ZNF438: variants seen among roughly 807,000 people sequenced by gnomAD.
The protein encoded by ZNF438 is zinc finger protein 438.
A neutral mutation model predicts 38.0 loss-of-function variants in ZNF438; 25 were observed. The observed-to-expected ratio is 0.66, with a 90% CI of 0.48 to 0.92. ZNF438 has a LOEUF of 0.92. Among genes scored for constraint, ZNF438 ranks in the 40% least tolerant of loss-of-function variants. The pLI is 0.00. For missense variants in ZNF438, 1,007 were observed against 999.6 expected (o/e 1.01, Z -0.10); for synonymous variants, 372 against 364.1 (o/e 1.02, Z -0.25).
chr10:30,849,994 G>T (rs1347720341), exon 5 of ZNF438: 2 of 1,613,986 alleles, frequency 1.2e-6, no homozygotes, highest in Admixed American at 1.7e-5. Flanking sequence ...AGATCAGGAT[G>T]GGTTTCTTTC....
rs1399616224 is a variant in ZNF438 at position 30,849,543 on chromosome 10, G to C, written c.862C>G (p.Pro288Ala). 2.5e-6 allele frequency: 4 copies of C among 1,614,170 alleles called. No individual in the cohort carries two copies. Among genetic ancestry groups the C allele is most frequent in the Non-Finnish European group, 3.4e-6 (4 of 1,180,036 alleles). Residue 288 changes from proline (P) to alanine (A), a missense_variant, in exon 5 of 6, where the codon CCC (proline) becomes GCC (alanine). Transcript: ENST00000413025. ...GGTGGGATTGGCAGTTTCCCTTTGG[G>C]GACTGAAGAGATCAACTGAACTGCA... is the stretch of plus-strand genomic sequence containing the variant.
At chr10:30,999,276 T>C (rs2132754091) in intron 1 of ZNF438, 1 of 152,316 alleles carries the variant, frequency 6.6e-6, no homozygotes. Flanking sequence ...CAGTTTTTCC[T>C]TGGGAAAATA....
At chr10:30,872,749 C>CAAAAAAAAAAAA (rs10633045) in intron 4 of ZNF438, among the ~76,000 whole-genome samples, 1 of 88,842 alleles carries the variant, frequency 1.1e-5, no homozygotes, top group Admixed American at 1.3e-4. Context: ...GACTCTGTCT[C>CAAAAAAAAAAAA]AAAAAAAAAA....
At chr10:30,971,470 G>C (rs1163761358) in intron 1 of ZNF438, among the ~76,000 whole-genome samples, 1 of 152,122 alleles carries the variant, frequency 6.6e-6, no homozygotes, top group Non-Finnish European at 1.5e-5. Flanking sequence ...GCAAAATGAT[G>C]ATCTCTGGGG....
chr10:30,856,017 G>A (rs2034565317), intron 4 of ZNF438, among the ~76,000 whole-genome samples: 2 of 152,144 alleles, frequency 1.3e-5, no homozygotes, highest in African/African-American at 2.4e-5. Context: ...AAAGGAAAAC[G>A]AAAGTTTCCC....
At chr10:30,951,818 T>TA (rs2048238966) in intron 1 of ZNF438, among the ~76,000 whole-genome samples, 1 of 150,446 alleles carries the variant, frequency 6.6e-6, no homozygotes, top group Non-Finnish European at 1.5e-5. Context: ...AAAATGGCCA[T>TA]ACTGCCCAAG....
intron 1 of ZNF438, among the ~76,000 whole-genome samples, chr10:30,999,080 C>G (rs546989348): frequency 1.1e-4 from 16 of 151,856 alleles, no homozygotes; most frequent in Non-Finnish European, 2.4e-4. Flanking sequence ...TGCTCTTATC[C>G]AAGCGGTTCC....
intron 2 of ZNF438, among the ~76,000 whole-genome samples, chr10:30,934,205 T>A (rs1246583078): frequency 6.6e-6 from 1 of 151,630 alleles, no homozygotes; most frequent in African/African-American, 2.4e-5. Context: ...GGAACCCTCT[T>A]TGGGATGTAC....
chr10:30,974,747 T>C (rs553427780), intron 1 of ZNF438, among the ~76,000 whole-genome samples: 1 of 152,372 alleles, frequency 6.6e-6, no homozygotes, highest in East Asian at 1.9e-4. Context: ...CTCCTTGTTC[T>C]ACCCTGGTCC....
At chr10:30,936,085 T>C (rs2046227095) in intron 2 of ZNF438, among the ~76,000 whole-genome samples, 1 of 152,164 alleles carries the variant, frequency 6.6e-6, no homozygotes, top group Admixed American at 6.5e-5. Context: ...CATGAAGATT[T>C]CTAAGACCAG....
intron 3 of ZNF438, among the ~76,000 whole-genome samples, chr10:30,891,226 CT>C (rs1375350914): frequency 2.0e-5 from 3 of 152,102 alleles, no homozygotes; most frequent in Admixed American, 6.5e-5. Context: ...GCTCTGCTCT[CT>C]TTTTTTCCCC....
chr10:30,952,322 A>G (rs1452907866), intron 1 of ZNF438, among the ~76,000 whole-genome samples: 1 of 150,696 alleles, frequency 6.6e-6, no homozygotes, highest in African/African-American at 2.4e-5. Flanking sequence ...AGGCATTACC[A>G]TTCAGGACAT....
At chr10:30,927,654 T>C (rs1340703469) in intron 2 of ZNF438, among the ~76,000 whole-genome samples, 2 of 152,196 alleles carry the variant, frequency 1.3e-5, no homozygotes, top group South Asian at 2.1e-4. Flanking sequence ...ATTACAGACA[T>C]TGCACGTAAA....
At position 30,955,602 on chromosome 10, in the gene ZNF438, A is replaced by G. The variant is rs116374992; in HGVS notation, c.-191-13951T>C. On this transcript the variant is annotated intron_variant, in intron 1 of 5. Coordinates refer to ENST00000413025, the Ensembl canonical transcript of ZNF438. ...CTGCCCAGGCACCCTGTATATATGT[A>G]TCTTGAATCCTCCAGAGAATTCCAT... is the stretch of plus-strand genomic sequence containing the variant. Among the ~76,000 whole-genome samples the G allele has an allele frequency of 9.4e-3, 1,437 of 152,316 alleles. 26 individuals are homozygous for G. Among genetic ancestry groups the G allele is most frequent in the African/African-American group, 0.033 (1,372 of 41,574 alleles).
At chr10:31,020,102 G>C (rs983721040) in intron 1 of ZNF438, among the ~76,000 whole-genome samples, 1 of 152,098 alleles carries the variant, frequency 6.6e-6, no homozygotes, top group Non-Finnish European at 1.5e-5. Flanking sequence ...CATGTACACA[G>C]AGAAAAACAC....
intron 4 of ZNF438, among the ~76,000 whole-genome samples, chr10:30,872,425 C>CAAAAAAAAAAAAAAAAAAA (rs566401687): frequency 5.1e-5 from 3 of 58,698 alleles, no homozygotes; most frequent in Non-Finnish European, 9.8e-5. Context: ...GACTCTGTCT[C>CAAAAAAAAAAAAAAAAAAA]AAAAAAAAAA....
At chr10:30,963,896 A>T (rs967414798) in intron 1 of ZNF438, among the ~76,000 whole-genome samples, 6 of 152,124 alleles carry the variant, frequency 3.9e-5, no homozygotes, top group East Asian at 1.9e-4. Flanking sequence ...TTTTTTTGCC[A>T]ATGAGATTGA....
At chr10:30,922,136 T>C (rs1333975661) in intron 2 of ZNF438, among the ~76,000 whole-genome samples, 1 of 152,126 alleles carries the variant, frequency 6.6e-6, no homozygotes, top group East Asian at 1.9e-4. Flanking sequence ...GTGAGGACAT[T>C]TTACTTACAG....
chr10:30,971,195 G>A (rs1311020466), intron 1 of ZNF438, among the ~76,000 whole-genome samples: 1 of 152,298 alleles, frequency 6.6e-6, no homozygotes, highest in Admixed American at 6.5e-5. Context: ...TTTTACTTCT[G>A]AAGGTTATTA....
Sources: gnomAD v4.1 joint callset for allele counts (sites outside exome capture counted in the v4.1 genomes callset) on GRCh38, gnomAD v4.1.1 for gene constraint, MANE v1.5 for transcripts, NCBI Gene and HGNC (gene_info 2026-07-23, HGNC 2026-07-21) for gene names.